SRRM2: variants seen among roughly 807,000 people sequenced by gnomAD.
The protein encoded by SRRM2 is serine/arginine repetitive matrix protein 2.
A neutral mutation model predicts 213.8 loss-of-function variants in SRRM2; 30 were observed. That is an observed-to-expected ratio of 0.14 (90% CI 0.10 to 0.19). The LOEUF (loss-of-function observed/expected upper bound fraction) is 0.19. SRRM2 is among the 10% of genes least tolerant of loss of function. SRRM2 has a pLI of 1.00. For synonymous variants in SRRM2, 2,025 were observed against 1,377.7 expected (o/e 1.47, Z -10.40); for missense variants, 4,904 against 3,647.0 (o/e 1.34, Z -8.88).
At chr16:2,769,760 A>T in intron 12 of SRRM2, 1 of 466,982 alleles carries the variant, frequency 2.1e-6, no homozygotes, top group South Asian at 1.5e-5. Context: ...TGCAGGACAA[A>T]GCCCCACCTC....
Position 2,765,332 on chromosome 16 carries a change from C to A in SRRM2, c.4804C>A (p.Pro1602Thr). Reference sequence around the variant, plus strand: ...TCGGCGCAGTAGGTCTGGTTCCTCCCCTGAAGTGAAAGATAAGCCAAGAGC... The same window carrying A: ...TCGGCGCAGTAGGTCTGGTTCCTCCACTGAAGTGAAAGATAAGCCAAGAGC... ...SPRRSRSGSS[P>T]EVKDKPRAAP... Residue 1602 changes from proline to threonine, a missense_variant, in exon 11 of 15, where the codon CCT becomes ACT. Transcript: ENST00000301740. 6.2e-7 allele frequency: 1 copy of A among 1,614,088 alleles called. No homozygotes were observed. Among genetic ancestry groups the A allele is most frequent in the South Asian group, 1.1e-5 (1 of 91,068 alleles).
chr16:2,756,296 G>T (rs2068137291), intron 1 of SRRM2, 38 bp from the exon 2 acceptor site: 2 of 1,474,222 alleles, frequency 1.4e-6, no homozygotes, highest in Non-Finnish European at 1.8e-6. Flanking sequence ...TTAGTTTGGG[G>T]CCAGGGGCCT....
intron 7 of SRRM2, 37 bp downstream of exon 7, chr16:2,759,209 T>G: frequency 6.2e-7 from 1 of 1,608,840 alleles, no homozygotes; most frequent in Non-Finnish European, 8.5e-7. Flanking sequence ...CGCAGTGGCA[T>G]GTGGAGTGGT....
In SRRM2 at chr16:2,763,803, C is replaced by T. The variant is rs2150776736; in HGVS notation, c.3275C>T (p.Thr1092Ile). The T allele has an allele frequency of 6.2e-7, 1 of 1,614,222 alleles. No individual in the cohort carries two copies. The highest frequency in any genetic ancestry group is 1.1e-5 in the South Asian group (1 of 91,084). The change falls in exon 11 of 15, where the codon ACA becomes ATA. Residue 1092 changes from threonine to isoleucine, a missense_variant. Transcript: ENST00000301740. ...CCATCTCTGCAGAGCAAATCTCAAA[C>T]ATCACCTAAGGGAGGTCGGTCCAGG... ...ESPSLQSKSQ[T>I]SPKGGRSRSS...
rs76299378 is a variant in SRRM2, at chr16:2,768,279, T to C, written c.7733+18T>C. ...CTGAAGAGGTGAGGGAGCTTGACTT[T>C]TAGAAATCTTCAGTGGGGGAGGTAT... is the stretch of plus-strand genomic sequence containing the variant. On this transcript the variant is annotated intron_variant, in intron 11 of 14. Coordinates refer to ENST00000301740, the MANE Select transcript of SRRM2 (RefSeq NM_016333.4). 1.6e-5 allele frequency: 24 copies of C among 1,525,570 alleles called. No individual in the cohort carries two copies. Among genetic ancestry groups the C allele is most frequent in the Middle Eastern group, 1.8e-4 (1 of 5,648 alleles). 94.5% of individuals were successfully genotyped at this position (1,525,570 alleles called of 1,614,324 possible). A position where few individuals can be genotyped will look rare whatever the true frequency, so the allele number is the denominator to read the frequency against.
At chr16:2,757,345 T>G (rs956950281) in intron 2 of SRRM2, 127 bp from the exon 3 acceptor site, 2 of 690,882 alleles carry the variant, frequency 2.9e-6, no homozygotes, top group Non-Finnish European at 5.1e-6. Context: ...AAGGGACTTT[T>G]GGGTGAGCGA....
In SRRM2 at chr16:2,763,251, G is replaced by T. The variant is rs763867819; in HGVS notation, c.2723G>T (p.Ser908Ile). 1.2e-6 allele frequency: 2 copies of T among 1,614,062 alleles called. No individual in the cohort carries two copies. Among genetic ancestry groups the T allele is most frequent in the African/African-American group, 1.3e-5 (1 of 74,998 alleles). The change falls in exon 11 of 15, where the codon AGC becomes ATC. Residue 908 changes from serine (S) to isoleucine (I), a missense_variant. Transcript: ENST00000301740. Reference sequence around the variant, plus strand: ...AAATCTAGCACACCTCCCAGACAGAGCCCATCTAGGTCATCATCTCCACAA... The same window carrying T: ...AAATCTAGCACACCTCCCAGACAGATCCCATCTAGGTCATCATCTCCACAA... ...RVKSSTPPRQ[S>I]PSRSSSPQPK...
chr16:2,764,318 T>C lies in SRRM2; in HGVS notation c.3790T>C (p.Ser1264Pro). Residue 1264 changes from serine to proline, a missense_variant, in exon 11 of 15, where the codon TCC (serine) becomes CCC (proline). Ser to Pro is a moderately conservative substitution (Grantham distance 74, BLOSUM62 -1). Coordinates refer to ENST00000301740, the MANE Select transcript of SRRM2 (RefSeq NM_016333.4). The part of the protein sequence containing the change: ...SHLSSELKEM[S>P]TSNFESSPEV... ...TTTGTCTTCAGAACTTAAAGAAATG[T>C]CCACAAGTAACTTTGAATCATCTCC... The C allele has an allele frequency of 6.2e-7, 1 of 1,614,174 alleles. No individual in the cohort carries two copies. The highest frequency in any genetic ancestry group is 8.5e-7 in the Non-Finnish European group (1 of 1,180,030).
Position 2,761,698 on chromosome 16 carries a change from A to G in SRRM2, c.1170A>G (p.Pro390=), listed in dbSNP as rs781521193. ...CAACCACCCCCTTAAGCCAGGAGCC[A>G]GTGAACCCCCCATCTGAGGCCTCTC... The part of the protein sequence containing the change: ...PLATTPLSQE[P]VNPPSEASPT... The change falls in exon 11 of 15, where the codon CCA becomes CCG. Residue 390 remains proline (P), a synonymous_variant. Transcript: ENST00000301740. 17 of 1,604,576 alleles carry G rather than the reference A, an allele frequency of 1.1e-5. No homozygotes were observed. The highest frequency in any genetic ancestry group is 1.4e-5 in the Non-Finnish European group (17 of 1,175,500).
rs2068608455 is a variant in SRRM2, at chr16:2,768,139, G to GTCGTCC, written c.7614_7619dup (p.Ser2555_Ser2556dup). The GTCGTCC allele has an allele frequency of 3.1e-6, 5 of 1,613,472 alleles. No homozygotes were observed. The highest frequency in any genetic ancestry group is 8.5e-7 in the Non-Finnish European group (1 of 1,179,642). On this transcript the variant is annotated inframe_insertion, in exon 11 of 15. Transcript: ENST00000301740. The stretch of plus-strand genomic sequence containing the variant: ...AGCGGCGGAGTTCCTCCTCGTCGTC[G>GTCGTCC]TCGTCCTCTAGCTCCTCCTCTTCTT...
chr16:2,759,736 C>A, intron 9 of SRRM2, 75 bp downstream of exon 9: 1 of 1,404,196 alleles, frequency 7.1e-7, no homozygotes. Context: ...TGAGCGCCCA[C>A]GGTGTGCTAG....
At position 2,761,924 on chromosome 16, in the gene SRRM2, C is replaced by G; in HGVS notation, c.1396C>G (p.Arg466Gly). 1 of 1,613,966 alleles carries G rather than the reference C, an allele frequency of 6.2e-7. No homozygotes were observed. Among genetic ancestry groups the G allele is most frequent in the Non-Finnish European group, 8.5e-7 (1 of 1,180,008 alleles). ...CACATCTAAGAATCGCTCACATGGCCGAGCAAAACGGGATAAATCACATTC... is the reference window on the plus strand; with the variant it reads ...CACATCTAAGAATCGCTCACATGGCGGAGCAAAACGGGATAAATCACATTC... ...SPTSKNRSHG[R>G]AKRDKSHSHT... Residue 466 changes from arginine to glycine, a missense_variant, in exon 11 of 15, where the codon CGA becomes GGA. Coordinates refer to ENST00000301740, the MANE Select transcript of SRRM2 (RefSeq NM_016333.4).
chr16:2,767,873 T>G lies in SRRM2; in HGVS notation c.7345T>G (p.Ser2449Ala). ...CCCTCCAGCACAGGATCAGCCGAGG[T>G]CTCCTGTGCCTTCTGCTTTTTCAGA... ...LLPPAQDQPR[S>A]PVPSAFSDQS... The change falls in exon 11 of 15, where the codon TCT (serine) becomes GCT (alanine). Residue 2449 changes from serine to alanine, a missense_variant. Transcript: ENST00000301740. 1 of 1,613,846 alleles carries G rather than the reference T, an allele frequency of 6.2e-7. No individual in the cohort carries two copies. Among genetic ancestry groups the G allele is most frequent in the Non-Finnish European group, 8.5e-7 (1 of 1,179,960 alleles).
In SRRM2 at chr16:2,762,860, A is replaced by C. The variant is rs774730068; in HGVS notation, c.2332A>C (p.Ser778Arg). The C allele has an allele frequency of 4.8e-5, 77 of 1,614,056 alleles. No homozygotes were observed. Among genetic ancestry groups the C allele is most frequent in the Non-Finnish European group, 6.1e-5 (72 of 1,180,036 alleles). Residue 778 changes from serine to arginine, a missense_variant, in exon 11 of 15, where the codon AGC becomes CGC. Ser to Arg is a moderately radical substitution (Grantham distance 110). Coordinates refer to ENST00000301740, the MANE Select transcript of SRRM2 (RefSeq NM_016333.4). ...KAKSRLSLRRSLSGSSPCPKQ... is the reference protein window; with the variant it reads ...KAKSRLSLRRRLSGSSPCPKQ... ...AAAATCTCGCTTGTCTTTGAGGCGC[A>C]GCCTTTCAGGGTCTTCCCCATGCCC...
Position 2,764,064 on chromosome 16 carries a change from CA to C in SRRM2, c.3537del (p.Pro1180LeufsTer59), listed in dbSNP as rs1197274414. 1 of 1,613,996 alleles carries C rather than the reference CA, an allele frequency of 6.2e-7. No homozygotes were observed. The highest frequency in any genetic ancestry group is 8.5e-7 in the Non-Finnish European group (1 of 1,180,016). ...ALPPQEDATA[S>X]PPRQKDKFSP... ...CCCCCTCAGGAGGATGCTACTGCAT[CA>C]CCTCCTAGACAGAAAGACAAATTTA... On this transcript the variant is annotated frameshift_variant, in exon 11 of 15. Coordinates refer to ENST00000301740, the MANE Select transcript of SRRM2 (RefSeq NM_016333.4). LOFTEE classifies it high-confidence loss of function.
rs1207618399 is a variant in SRRM2, at chr16:2,757,437, T to C, written c.243-35T>C. On this transcript the variant is annotated intron_variant, in intron 2 of 14. Coordinates refer to ENST00000301740, the MANE Select transcript of SRRM2 (RefSeq NM_016333.4). ...AAACCTGGGACTGGGGAAAGTGTCCTGTCGAGCTTAACCCTGAAGGGATTT... is the reference window on the plus strand; with the variant it reads ...AAACCTGGGACTGGGGAAAGTGTCCCGTCGAGCTTAACCCTGAAGGGATTT... The C allele has an allele frequency of 2.5e-6, 4 of 1,594,322 alleles. No individual in the cohort carries two copies. In the African/African-American group the frequency reaches 4.0e-5, roughly 16 times the overall value.
rs557716874 is a variant in SRRM2 at position 2,756,471 on chromosome 16, A to G, written c.107A>G (p.Tyr36Cys). 6.2e-6 allele frequency: 10 copies of G among 1,613,750 alleles called. No homozygotes were observed. Among genetic ancestry groups the G allele is most frequent in the East Asian group, 4.5e-5 (2 of 44,874 alleles). Reference sequence around the variant, plus strand: ...GGCCGCCGGGGTGAGCGGCCTGACTACAAGGGAGAGGAGGAACTGCGGCGC... The same window carrying G: ...GGCCGCCGGGGTGAGCGGCCTGACTGCAAGGGAGAGGAGGAACTGCGGCGC... Reference protein sequence around the residue: ...VRGRRGERPDYKGEEELRRLE... With the variant: ...VRGRRGERPDCKGEEELRRLE... The change falls in exon 2 of 15, where the codon TAC (tyrosine) becomes TGC (cysteine). Residue 36 changes from tyrosine (Y) to cysteine (C), a missense_variant. Coordinates refer to ENST00000301740, the MANE Select transcript of SRRM2 (RefSeq NM_016333.4).
rs775250079 is a variant in SRRM2 at position 2,759,543 on chromosome 16, G to A, written c.741-26G>A. ...TCCAGGGCAGGTACAGCAGTACCCT[G>A]AGCTGTGGTGGTGGTCTTCCTTCAG... On this transcript the variant is annotated intron_variant, in intron 8 of 14. Coordinates refer to ENST00000301740, the MANE Select transcript of SRRM2 (RefSeq NM_016333.4). 3.7e-5 allele frequency: 59 copies of A among 1,610,172 alleles called. 1 individual carries two copies. In the South Asian group the frequency reaches 4.3e-4, roughly 12 times the overall value.
At chr16:2,753,162 G>C (rs1174762750) in intron 1 of SRRM2, among the ~76,000 whole-genome samples, 1 of 151,608 alleles carries the variant, frequency 6.6e-6, no homozygotes, top group Non-Finnish European at 1.5e-5. Context: ...ATGTGCCGCC[G>C]AGGTGGCCTT....
Sources: gnomAD v4.1 joint callset for allele counts (sites outside exome capture counted in the v4.1 genomes callset) on GRCh38, gnomAD v4.1.1 for gene constraint, MANE v1.5 for transcripts, NCBI Gene and HGNC (gene_info 2026-07-23, HGNC 2026-07-21) for gene names.